Variants in HS6ST3 observed in about 807,000 individuals in gnomAD.
HS6ST3 encodes the protein heparan sulfate 6-O-sulfotransferase 3, also known as heparan-sulfate 6-O-sulfotransferase 3.
HS6ST3 carries 12 observed loss-of-function variants against 36.7 expected under a neutral mutation model. The observed-to-expected ratio is 0.33, with a 90% CI of 0.21 to 0.53. HS6ST3 has a LOEUF of 0.53. Among genes scored for constraint, HS6ST3 ranks in the 20% least tolerant of loss-of-function variants. The pLI is 0.95. For synonymous variants in HS6ST3, 240 were observed against 257.5 expected, an observed-to-expected ratio of 0.93 and a Z score of 0.65; for missense variants, 584 against 640.9, an observed-to-expected ratio of 0.91 and a Z score of 0.96.
At chr13:96,548,332 G>T (rs943930950) in intron 1 of HS6ST3, among the ~76,000 whole-genome samples, 2 of 152,098 alleles carry the variant, frequency 1.3e-5, no homozygotes, top group Admixed American at 6.6e-5. Context: ...ATGGACATCT[G>T]CAGGAATCAA....
At chr13:96,239,830 C>T (rs1399869172) in intron 1 of HS6ST3, among the ~76,000 whole-genome samples, 3 of 152,138 alleles carry the variant, frequency 2.0e-5, no homozygotes, top group Non-Finnish European at 4.4e-5. Flanking sequence ...ATGTAGGTGA[C>T]TGATGTGATT....
intron 1 of HS6ST3, among the ~76,000 whole-genome samples, chr13:96,221,268 A>T (rs1300153731): frequency 2.6e-5 from 4 of 152,152 alleles, no homozygotes; most frequent in South Asian, 2.1e-4. Context: ...GGTACATATG[A>T]CTATTATTCA....
At chr13:96,449,914 G>T (rs1485661201) in intron 1 of HS6ST3, among the ~76,000 whole-genome samples, 1 of 152,140 alleles carries the variant, frequency 6.6e-6, no homozygotes, top group African/African-American at 2.4e-5. Flanking sequence ...ATGAGAGGTG[G>T]TGTGCATTAC....
chr13:96,293,406 G>A (rs748967058), intron 1 of HS6ST3, among the ~76,000 whole-genome samples: 1 of 152,014 alleles, frequency 6.6e-6, no homozygotes, highest in Non-Finnish European at 1.5e-5. Context: ...AGTGCACCAT[G>A]TTTTCAATAC....
At chr13:96,613,973 A>G (rs1292273206) in intron 1 of HS6ST3, among the ~76,000 whole-genome samples, 1 of 152,180 alleles carries the variant, frequency 6.6e-6, no homozygotes, top group Non-Finnish European at 1.5e-5. Context: ...AGGAGTTCAC[A>G]TTCTGTGAGA....
intron 1 of HS6ST3, among the ~76,000 whole-genome samples, chr13:96,306,574 T>C (rs1249878429): frequency 6.6e-6 from 1 of 152,130 alleles, no homozygotes; most frequent in Non-Finnish European, 1.5e-5. Flanking sequence ...TTAGATTCTG[T>C]CCCTTTTAGA....
intron 1 of HS6ST3, among the ~76,000 whole-genome samples, chr13:96,214,391 G>A (rs2054413901): frequency 6.6e-6 from 1 of 152,112 alleles, no homozygotes; most frequent in Non-Finnish European, 1.5e-5. Flanking sequence ...CTCTTGGGGA[G>A]TAGCCCTGCC....
At chr13:96,544,653 A>G (rs1594803732) in intron 1 of HS6ST3, among the ~76,000 whole-genome samples, 1 of 152,146 alleles carries the variant, frequency 6.6e-6, no homozygotes, top group East Asian at 1.9e-4. Context: ...TTTGACCCAC[A>G]GTATGGAAAA....
chr13:96,656,301 A>G lies in HS6ST3; in HGVS notation c.708-176189A>G, dbSNP rs147208749. ...TGCTCTCCAATAATGCTGTCCATCC[A>G]TGATTTCTCAGATGATTTACAAGTT... On this transcript the variant is annotated intron_variant, in intron 1 of 1. Coordinates refer to ENST00000376705, the MANE Select transcript of HS6ST3 (RefSeq NM_153456.4). Among the ~76,000 whole-genome samples, 17 of 152,290 alleles carry G rather than the reference A, an allele frequency of 1.1e-4. No individual in the cohort carries two copies. In the East Asian group the frequency reaches 2.1e-3, roughly 19 times the overall value.
At chr13:96,729,820 C>T (rs1876100976) in intron 1 of HS6ST3, among the ~76,000 whole-genome samples, 1 of 152,168 alleles carries the variant, frequency 6.6e-6, no homozygotes, top group Non-Finnish European at 1.5e-5. Flanking sequence ...ATAACTTACA[C>T]TTTCTATACT....
At chr13:96,248,478 G>T (rs2054593880) in intron 1 of HS6ST3, among the ~76,000 whole-genome samples, 1 of 152,066 alleles carries the variant, frequency 6.6e-6, no homozygotes. Context: ...ATAATTCCTT[G>T]CACATATAAA....
chr13:96,649,907 A>C (rs2056601809), intron 1 of HS6ST3, among the ~76,000 whole-genome samples: 1 of 151,344 alleles, frequency 6.6e-6, no homozygotes, highest in African/African-American at 2.4e-5. Context: ...TTCCTGTCAT[A>C]CTCCCTCTTA....
intron 1 of HS6ST3, among the ~76,000 whole-genome samples, chr13:96,477,768 G>C (rs2055871170): frequency 6.6e-6 from 1 of 152,122 alleles, no homozygotes; most frequent in Admixed American, 6.5e-5. Flanking sequence ...TGCTCAGAAG[G>C]CTAAGGCAGG....
chr13:96,512,207 T>A (rs958472298), intron 1 of HS6ST3, among the ~76,000 whole-genome samples: 2 of 152,196 alleles, frequency 1.3e-5, no homozygotes, highest in Non-Finnish European at 2.9e-5. Flanking sequence ...TGCTGGGGAA[T>A]GTCTGCAAGA....
chr13:96,165,592 A>T (rs78969034), intron 1 of HS6ST3, among the ~76,000 whole-genome samples: 1,960 of 152,236 alleles, frequency 0.013, 36 homozygotes, highest in African/African-American at 0.044. Context: ...CATGTGTGCA[A>T]ATGGGTCAGC....
intron 1 of HS6ST3, among the ~76,000 whole-genome samples, chr13:96,296,860 A>C (rs2054857443): frequency 6.6e-6 from 1 of 152,110 alleles, no homozygotes; most frequent in South Asian, 2.1e-4. Context: ...TAAATTGATA[A>C]TACTTTAATT....
At chr13:96,091,719 G>A in intron 1 of HS6ST3, 150 bp downstream of exon 1, 1 of 1,027,338 alleles carries the variant, frequency 9.7e-7, no homozygotes, top group Non-Finnish European at 1.4e-6. Context: ...GGAGGGATGA[G>A]AAACCTCCGG....
At chr13:96,281,371 A>G (rs1057291928) in intron 1 of HS6ST3, among the ~76,000 whole-genome samples, 1 of 152,198 alleles carries the variant, frequency 6.6e-6, no homozygotes, top group Admixed American at 6.5e-5. Context: ...CCAGTTTCTC[A>G]TAAATGTGAG....
chr13:96,186,943 A>G (rs16951655), intron 1 of HS6ST3, among the ~76,000 whole-genome samples: 3,880 of 152,258 alleles, frequency 0.025, 62 homozygotes, highest in South Asian at 0.055. Context: ...TGTATGATTA[A>G]CAGTTTCTGC....
Sources: allele counts gnomAD v4.1 joint callset (sites outside exome capture counted in the v4.1 genomes callset), GRCh38; gene constraint gnomAD v4.1.1; transcripts MANE v1.5; gene names NCBI Gene and HGNC (gene_info 2026-07-23, HGNC 2026-07-21).